TRRAP: variants seen among roughly 807,000 people sequenced by gnomAD.
TRRAP encodes the protein transformation/transcription domain associated protein.
In TRRAP, 41 loss-of-function variants were observed where a neutral mutation model predicts 438.8. The observed-to-expected ratio is 0.09, with a 90% CI of 0.07 to 0.12. The LOEUF (loss-of-function observed/expected upper bound fraction) is 0.12, where lower values mean the gene tolerates loss of function less well. Ranked by LOEUF, TRRAP falls within the 10% of genes least tolerant of loss-of-function variation. The pLI is 1.00. For missense variants in TRRAP, 3,122 were observed against 5,055.1 expected, an observed-to-expected ratio of 0.62 and a Z score of 11.60; for synonymous variants, 1,994 against 1,962.9, an observed-to-expected ratio of 1.02 and a Z score of -0.42.
intron 46 of TRRAP, 34 bp downstream of exon 46, chr7:98,961,508 A>G: frequency 1.9e-6 from 3 of 1,607,026 alleles, no homozygotes; most frequent in Non-Finnish European, 1.7e-6. Context: ...CTTTTCTTTC[A>G]AAGTGGACGG....
Position 98,955,140 on chromosome 7 carries a change from G to A in TRRAP, c.5773G>A (p.Ala1925Thr). 2 of 1,614,190 alleles carry A rather than the reference G, an allele frequency of 1.2e-6. No homozygotes were observed. The highest frequency in any genetic ancestry group is 1.7e-6 in the Non-Finnish European group (2 of 1,180,032). The change falls in exon 41 of 73, where the codon GCG becomes ACG. Residue 1925 changes from alanine to threonine, a missense_variant. This residue lies in a region of TRRAP where 35 missense variants were observed against 104.9 expected (regional missense o/e 0.33). Coordinates refer to ENST00000456197, the MANE Select transcript of TRRAP (RefSeq NM_001375524.1). ...LLKAHAMEAR[A>T]IVRQAMAILT... The stretch of plus-strand genomic sequence containing the variant: ...CAAGGCTCACGCAATGGAAGCTCGA[G>A]CGATCGTCAGACAGGCGATGGCCAT...
chr7:98,980,273 T>C (rs1415082410), intron 58 of TRRAP, among the ~76,000 whole-genome samples: 2 of 152,204 alleles, frequency 1.3e-5, no homozygotes, highest in Non-Finnish European at 2.9e-5. Context: ...ATGGCACTCA[T>C]GTGTGTCCCT....
At chr7:98,907,870 T>C (rs1160729851) in intron 13 of TRRAP, among the ~76,000 whole-genome samples, 2 of 149,666 alleles carry the variant, frequency 1.3e-5, no homozygotes, top group Non-Finnish European at 1.5e-5. Context: ...CTGGCCCCTA[T>C]AGCTCCCCTC....
At chr7:98,933,618 T>C (rs1562948560) in intron 27 of TRRAP, among the ~76,000 whole-genome samples, 1 of 152,236 alleles carries the variant, frequency 6.6e-6, no homozygotes. Flanking sequence ...TGATGTCTTG[T>C]GAGTTCTCAG....
In TRRAP at chr7:98,956,373, A is replaced by C. The variant is rs782117221; in HGVS notation, c.6097-26A>C. On this transcript the variant is annotated intron_variant, in intron 42 of 72. Transcript: ENST00000456197. The surrounding 1 kb of genome is among the most constrained non-coding windows in gnomAD (Gnocchi z 4.5). The stretch of plus-strand genomic sequence containing the variant: ...ACTTCTCCCTAGAAATCAGTCAGTA[A>C]AACCAAGCGCCTGTGTGTTTTTAAG... 1 of 1,613,510 alleles carries C rather than the reference A, an allele frequency of 6.2e-7. No individual in the cohort carries two copies. The highest frequency in any genetic ancestry group is 1.3e-5 in the African/African-American group (1 of 74,982).
At chr7:98,930,547 C>T (rs918390181) in intron 24 of TRRAP, 86 bp from the exon 25 acceptor site, 125 of 1,542,774 alleles carry the variant, frequency 8.1e-5, no homozygotes, top group Admixed American at 4.8e-4. Context: ...CATTGCACTC[C>T]GGCCTGGGCA....
At chr7:98,978,740 C>T (rs772289400) in intron 57 of TRRAP, 29 bp from the exon 58 acceptor site, 25 of 1,613,632 alleles carry the variant, frequency 1.5e-5, no homozygotes, top group Non-Finnish European at 1.9e-5. Flanking sequence ...GGTGATTGAG[C>T]TTTTGCTCTG....
chr7:98,910,962 G>A, intron 16 of TRRAP, 115 bp from the exon 17 acceptor site: 1 of 839,698 alleles, frequency 1.2e-6, no homozygotes. Flanking sequence ...GGGGACATTT[G>A]TTATCTAATT....
chr7:98,905,809 C>CCT (rs1796700330), intron 12 of TRRAP, among the ~76,000 whole-genome samples: 1 of 152,192 alleles, frequency 6.6e-6, no homozygotes, highest in South Asian at 2.1e-4. Context: ...TTAGGAGATC[C>CCT]TGTTCCCTTG....
intron 53 of TRRAP, among the ~76,000 whole-genome samples, chr7:98,972,346 A>T (rs1387404159): frequency 2.0e-5 from 3 of 152,224 alleles, no homozygotes; most frequent in Non-Finnish European, 4.4e-5. Context: ...TTGGAGTGTC[A>T]CAGTGTCTTA....
At chr7:98,952,997 T>G in intron 39 of TRRAP, among the ~76,000 whole-genome samples, 170 bp from the exon 40 acceptor site, 1 of 141,458 alleles carries the variant, frequency 7.1e-6, no homozygotes, top group African/African-American at 2.5e-5. Context: ...GATAGGATGT[T>G]ATTGATAACC....
At chr7:98,890,892 G>C (rs1356425564) in intron 4 of TRRAP, among the ~76,000 whole-genome samples, 2 of 148,728 alleles carry the variant, frequency 1.3e-5, no homozygotes, top group African/African-American at 5.0e-5. Flanking sequence ...TTGGGATCAG[G>C]TGATCTTCCC....
rs762288980 is a variant in TRRAP at position 98,992,146 on chromosome 7, G to A, written c.9766G>A (p.Val3256Met). The change falls in exon 65 of 73, where the codon GTG becomes ATG. Residue 3256 changes from valine (V) to methionine (M), a missense_variant. By Grantham distance (21) the Val-to-Met change is conservative. Around this residue, in one of 24 missense-constraint regions of TRRAP, gnomAD observed 107 missense variants for 327.5 expected, o/e 0.33. Coordinates refer to ENST00000456197, the MANE Select transcript of TRRAP (RefSeq NM_001375524.1). ...TCTTGTCTCTGAGCAGGTTGGACGC[G>A]TGTATCCCCAAGCGGTCTACTTTCC... ...LLNLISQVGR[V>M]YPQAVYFPIR... The A allele has an allele frequency of 2.2e-5, 36 of 1,614,066 alleles. No homozygotes were observed. The highest frequency in any genetic ancestry group is 2.8e-5 in the Non-Finnish European group (33 of 1,180,026).
chr7:98,930,578 C>CA lies in TRRAP; in HGVS notation c.3394-47dup, dbSNP rs201956983. ...GGGCAATAAGAGCGAAACTCTGTCT[C>CA]AAAAAAAACAAGAATTGCAGTAACG... On this transcript the variant is annotated intron_variant, in intron 24 of 72. Coordinates refer to ENST00000456197, the MANE Select transcript of TRRAP (RefSeq NM_001375524.1). 1.7e-3 allele frequency: 2,650 copies of CA among 1,597,604 alleles called. 32 individuals carry two copies. In the African/African-American group the frequency reaches 0.03, roughly 18 times the overall value.
In TRRAP at chr7:98,935,651, G is replaced by C. The variant is rs140553884; in HGVS notation, c.4087G>C (p.Val1363Leu). The change falls in exon 28 of 73, where the codon GTA becomes CTA. Residue 1363 changes from valine to leucine, a missense_variant. Transcript: ENST00000456197. ...LPCYKSLPSL[V>L]PLRIAALNAL... is the part of the protein sequence containing the mutation. ...CTGTTATAAAAGCCTTCCGTCACTC[G>C]TACCTTTACGAATTGCGGCATTAAG... is the stretch of plus-strand genomic sequence containing the variant. 14 of 1,598,960 alleles carry C rather than the reference G, an allele frequency of 8.8e-6. No individual in the cohort carries two copies. The highest frequency in any genetic ancestry group is 1.7e-5 in the Admixed American group (1 of 59,808).
intron 3 of TRRAP, 99 bp downstream of exon 3, chr7:98,882,123 C>G (rs1795470119): frequency 1.1e-5 from 11 of 1,011,568 alleles, no homozygotes; most frequent in South Asian, 4.8e-5. Context: ...ACTCAAAGAT[C>G]ATTGTCTTTG....
chr7:98,953,058 TG>T (rs1791413290), intron 39 of TRRAP, 108 bp from the exon 40 acceptor site: 1 of 93,542 alleles, frequency 1.1e-5, no homozygotes, highest in African/African-American at 3.3e-5. Context: ...TGTGTGTGTG[TG>T]TGTGTGTGTG....
intron 4 of TRRAP, among the ~76,000 whole-genome samples, chr7:98,890,726 C>G (rs1232372461): frequency 6.6e-6 from 1 of 150,810 alleles, no homozygotes; most frequent in African/African-American, 2.4e-5. Flanking sequence ...GAAGGAATGA[C>G]TACCCCCCAT....
Position 98,983,247 on chromosome 7 carries a change from T to TA in TRRAP, c.8827-16dup. 1 of 1,602,272 alleles carries TA rather than the reference T, an allele frequency of 6.2e-7. No homozygotes were observed. Among genetic ancestry groups the TA allele is most frequent in the South Asian group, 1.1e-5 (1 of 89,730 alleles). ...TACTGACATTTACCGCAGAGTCTCT[T>TA]ATGCTGGTCCCATCAGGCAGCCCAG... is the stretch of plus-strand genomic sequence containing the variant. On this transcript the variant is annotated splice_polypyrimidine_tract_variant and intron_variant, in intron 59 of 72. Transcript: ENST00000456197.
Sources: gnomAD v4.1 joint callset for allele counts (sites outside exome capture counted in the v4.1 genomes callset) on GRCh38, gnomAD v4.1.1 for gene constraint, gnomAD v4.1.1 regional missense constraint, Gnocchi (gnomAD v3.1) non-coding constraint, MANE v1.5 for transcripts, NCBI Gene and HGNC (gene_info 2026-07-23, HGNC 2026-07-21) for gene names.